TCF7L2: variants seen among roughly 807,000 people sequenced by gnomAD.
TCF7L2 encodes transcription factor 7-like 2.
Under a neutral mutation model 77.9 loss-of-function variants are expected in TCF7L2, and 23 were observed. The observed-to-expected ratio is 0.30, with a 90% CI of 0.21 to 0.42. The LOEUF is 0.42. Ranked by LOEUF, TCF7L2 falls within the 10% of genes least tolerant of loss-of-function variation. The pLI is 1.00. For synonymous variants in TCF7L2, 413 were observed against 340.2 expected (o/e 1.21, Z -2.36); for missense variants, 654 against 793.1 (o/e 0.82, Z 2.11).
rs1337751277 is a variant in TCF7L2 at position 112,951,287 on chromosome 10, G to C, written c.256+14G>C. On this transcript the variant is annotated intron_variant, in intron 2 of 13. Transcript: ENST00000627217. ...GTTTGGAAGAAGGTGAGTACGCCCC[G>C]CGCGCCCCGCAGCCGCCCGGAGCCG... is the stretch of plus-strand genomic sequence containing the variant. 2.2e-6 allele frequency: 3 copies of C among 1,376,860 alleles called. No individual in the cohort carries two copies. Among genetic ancestry groups the C allele is most frequent in the Non-Finnish European group, 2.9e-6 (3 of 1,050,158 alleles). 85.3% of individuals were successfully genotyped at this position (1,376,860 alleles called of 1,614,324 possible). A position where few individuals can be genotyped will look rare whatever the true frequency, so the allele number is the denominator to read the frequency against.
At chr10:113,049,318 G>T (rs1204185997) in intron 5 of TCF7L2, among the ~76,000 whole-genome samples, 1 of 151,946 alleles carries the variant, frequency 6.6e-6, no homozygotes, top group Non-Finnish European at 1.5e-5. Flanking sequence ...ACCTGTTACT[G>T]CTTGTGTTCA....
chr10:112,995,972 A>G (rs1053676651), intron 4 of TCF7L2, among the ~76,000 whole-genome samples: 2 of 152,216 alleles, frequency 1.3e-5, no homozygotes, highest in African/African-American at 4.8e-5. Flanking sequence ...GTGAGCCTCT[A>G]GGAGCTGAGA....
intron 5 of TCF7L2, among the ~76,000 whole-genome samples, chr10:113,054,974 T>G (rs2055130616): frequency 6.6e-6 from 1 of 152,212 alleles, no homozygotes; most frequent in Admixed American, 6.5e-5. Context: ...CTCTGTAGTA[T>G]TTATTGTATG....
At chr10:113,158,824 C>T in intron 12 of TCF7L2, 107 bp downstream of exon 13, 6 of 1,108,490 alleles carry the variant, frequency 5.4e-6, no homozygotes, top group South Asian at 1.6e-5. Flanking sequence ...TTTGAACATT[C>T]TTTAAAATGA....
At chr10:113,107,013 T>C (rs1214909533) in intron 5 of TCF7L2, among the ~76,000 whole-genome samples, 1 of 152,180 alleles carries the variant, frequency 6.6e-6, no homozygotes, top group Non-Finnish European at 1.5e-5. Context: ...GTTTTATAAT[T>C]TTTGCGAAGA....
chr10:113,097,215 CA>C (rs1349492442), intron 5 of TCF7L2, among the ~76,000 whole-genome samples: 2 of 152,146 alleles, frequency 1.3e-5, no homozygotes, highest in Non-Finnish European at 2.9e-5. Flanking sequence ...GCCAGGGTGA[CA>C]GATGAGAAGT....
intron 7 of TCF7L2, among the ~76,000 whole-genome samples, 169 bp from the exon 8 acceptor site, chr10:113,145,842 G>A (rs530349727): frequency 2.8e-4 from 42 of 152,260 alleles, no homozygotes; most frequent in African/African-American, 9.6e-4. Context: ...CATTCAAATT[G>A]TTCTGTGTTT....
At position 112,992,721 on chromosome 10, in the gene TCF7L2, C is replaced by G. The variant is rs115569934; in HGVS notation, c.450+28097C>G. On this transcript the variant is annotated intron_variant, in intron 4 of 13. Coordinates refer to ENST00000627217, the MANE Select transcript of TCF7L2 (RefSeq NM_001146274.2). ...TGAGGACTGGACCTCCAAGCAGACC[C>G]CCTCTGTGACTCCGGAATGCAGTGT... Among the ~76,000 whole-genome samples, 522 of 152,100 alleles carry G rather than the reference C, an allele frequency of 3.4e-3. 1 individual carries two copies. Among genetic ancestry groups the G allele is most frequent in the African/African-American group, 0.012 (497 of 41,514 alleles).
chr10:113,079,714 A>G (rs936879587), intron 5 of TCF7L2, among the ~76,000 whole-genome samples: 7 of 152,034 alleles, frequency 4.6e-5, no homozygotes, highest in Non-Finnish European at 8.8e-5. Context: ...CTGGAGTGCA[A>G]TGGTGTAATC....
At position 113,158,728 on chromosome 10, in the gene TCF7L2, C is replaced by A; in HGVS notation, c.1318+659C>A. ...TTCCTCCGATTACAGGTGCTAATGT[C>A]ATTTTGAGTCATTAAAATAGTTGAT... is the stretch of plus-strand genomic sequence containing the variant. On this transcript the variant is annotated intron_variant, in intron 12 of 13. Coordinates refer to ENST00000627217, the MANE Select transcript of TCF7L2 (RefSeq NM_001146274.2). 1 of 1,611,580 alleles carries A rather than the reference C, an allele frequency of 6.2e-7. No homozygotes were observed. Among genetic ancestry groups the A allele is most frequent in the South Asian group, 1.1e-5 (1 of 90,430 alleles).
intron 3 of TCF7L2, among the ~76,000 whole-genome samples, chr10:112,961,265 C>CG (rs935087350): frequency 7.4e-6 from 1 of 134,810 alleles, no homozygotes; most frequent in African/African-American, 3.0e-5. Context: ...CCCCCCCCCC[C>CG]CCAACCTCGG....
chr10:113,015,891 A>G (rs1198910729), intron 4 of TCF7L2, among the ~76,000 whole-genome samples: 4 of 152,206 alleles, frequency 2.6e-5, no homozygotes, highest in African/African-American at 9.6e-5. Context: ...TGAAGGAAAC[A>G]CATTGGTCCC....
intron 5 of TCF7L2, among the ~76,000 whole-genome samples, chr10:113,054,523 G>C: frequency 6.6e-6 from 1 of 152,228 alleles, no homozygotes; most frequent in East Asian, 1.9e-4. Flanking sequence ...TGTTCTGTCT[G>C]TTCTCCAGGA....
Position 113,045,840 on chromosome 10 carries a change from G to A in TCF7L2, c.552+5714G>A, listed in dbSNP as rs187187030. ...TAAAAGAGTTGACTTGTGTTTCCTAGCAGCCACTGAGTCAGAACTTTCCCA... is the reference window on the plus strand; with the variant it reads ...TAAAAGAGTTGACTTGTGTTTCCTAACAGCCACTGAGTCAGAACTTTCCCA... On this transcript the variant is annotated intron_variant, in intron 5 of 13. Coordinates refer to ENST00000627217, the MANE Select transcript of TCF7L2 (RefSeq NM_001146274.2). Among the ~76,000 whole-genome samples the A allele has an allele frequency of 1.6e-3, 239 of 152,270 alleles. 1 individual carries two copies. Among genetic ancestry groups the A allele is most frequent in the African/African-American group, 5.6e-3 (232 of 41,558 alleles).
intron 6 of TCF7L2, among the ~76,000 whole-genome samples, chr10:113,142,864 G>A: frequency 6.6e-6 from 1 of 152,214 alleles, no homozygotes; most frequent in Non-Finnish European, 1.5e-5. Context: ...TTTCAAGTGT[G>A]CAAATGGCTC....
At chr10:112,978,633 A>ATTTTTTTT (rs988727404) in intron 4 of TCF7L2, among the ~76,000 whole-genome samples, 1 of 126,870 alleles carries the variant, frequency 7.9e-6, no homozygotes, top group Non-Finnish European at 1.6e-5. Flanking sequence ...CGCCTGGCTA[A>ATTTTTTTT]TTTTTTTTTT....
chr10:113,129,795 G>A (rs2066268251), intron 5 of TCF7L2: 1 of 1,282,728 alleles, frequency 7.8e-7, no homozygotes. Flanking sequence ...AAGAAAAACT[G>A]GCCCAGTCCC....
chr10:112,958,320 G>A (rs1263354704), intron 3 of TCF7L2, among the ~76,000 whole-genome samples: 1 of 152,178 alleles, frequency 6.6e-6, no homozygotes, highest in African/African-American at 2.4e-5. Context: ...TTGGCATCAT[G>A]AAAATAAATT....
intron 13 of TCF7L2, among the ~76,000 whole-genome samples, chr10:113,164,768 GTT>G (rs935227595): frequency 6.7e-6 from 1 of 149,230 alleles, no homozygotes; most frequent in South Asian, 2.1e-4. Flanking sequence ...TTTTTGTTTC[GTT>G]TTTTGTTTTT....
Sources: allele counts gnomAD v4.1 joint callset (sites outside exome capture counted in the v4.1 genomes callset), GRCh38; gene constraint gnomAD v4.1.1; transcripts MANE v1.5; gene names NCBI Gene and HGNC (gene_info 2026-07-23, HGNC 2026-07-21).